Variants in TCERG1L observed in about 807,000 individuals in gnomAD.
TCERG1L encodes transcription elongation regulator 1 like.
Under a neutral mutation model 56.3 loss-of-function variants are expected in TCERG1L, and 37 were observed. The ratio of observed to expected loss-of-function variants is 0.66; its 90% CI spans 0.51 to 0.87. The LOEUF (loss-of-function observed/expected upper bound fraction) is 0.87. TCERG1L is among the 40% of genes least tolerant of loss of function. The pLI is 0.00. For missense variants in TCERG1L, 799 were observed against 774.2 expected (o/e 1.03, Z -0.38); for synonymous variants, 324 against 326.3 (o/e 0.99, Z 0.08).
At chr10:131,125,356 G>T (rs1845555122) in intron 8 of TCERG1L, among the ~76,000 whole-genome samples, 2 of 152,120 alleles carry the variant, frequency 1.3e-5, no homozygotes, top group African/African-American at 4.8e-5. Context: ...TTTACAGATG[G>T]GAAGAAACTG....
intron 6 of TCERG1L, among the ~76,000 whole-genome samples, chr10:131,149,132 G>T (rs749339756): frequency 6.6e-6 from 1 of 152,264 alleles, no homozygotes; most frequent in Non-Finnish European, 1.5e-5. Context: ...CAGATGGGGG[G>T]TGGAATGGGA....
chr10:131,201,118 C>A (rs146787825), intron 4 of TCERG1L, among the ~76,000 whole-genome samples: 2 of 152,202 alleles, frequency 1.3e-5, no homozygotes, highest in African/African-American at 4.8e-5. Flanking sequence ...ACACATGAAA[C>A]GTGGAGGGGA....
chr10:131,163,056 C>T lies in TCERG1L; in HGVS notation c.1034+66G>A, dbSNP rs1429812539. ...GAGACATGCAGTGTCTCTTTGGTGA[C>T]ATCAGGCAAATGCCAGGACCAGACA... On this transcript the variant is annotated intron_variant, in intron 6 of 11. Coordinates refer to ENST00000368642, the MANE Select transcript of TCERG1L (RefSeq NM_174937.4). 6.3e-6 allele frequency: 8 copies of T among 1,275,204 alleles called. No homozygotes were observed. In the South Asian group the frequency reaches 9.5e-5, roughly 15 times the overall value. 79.0% of individuals were successfully genotyped at this position (1,275,204 alleles called of 1,614,324 possible).
intron 4 of TCERG1L, among the ~76,000 whole-genome samples, chr10:131,210,225 G>A (rs1314358163): frequency 1.3e-5 from 2 of 152,186 alleles, no homozygotes; most frequent in African/African-American, 4.8e-5. Flanking sequence ...TTTTCCAGAT[G>A]AGGAGACTGA....
intron 8 of TCERG1L, among the ~76,000 whole-genome samples, chr10:131,124,562 C>T (rs374013603): frequency 2.6e-5 from 4 of 152,158 alleles, no homozygotes; most frequent in South Asian, 4.1e-4. Flanking sequence ...AAGTGTGCTA[C>T]GGTTTTGATA....
intron 8 of TCERG1L, among the ~76,000 whole-genome samples, chr10:131,131,793 G>A (rs150022475): frequency 6.6e-6 from 1 of 152,318 alleles, no homozygotes; most frequent in African/African-American, 2.4e-5. Flanking sequence ...CTGCTGATGA[G>A]TCACACATTG....
chr10:131,204,535 G>A (rs1453412771), intron 4 of TCERG1L, among the ~76,000 whole-genome samples: 6 of 152,214 alleles, frequency 3.9e-5, no homozygotes, highest in Admixed American at 6.5e-5. Context: ...GAAACTGTCC[G>A]TGATGGTGGG....
intron 4 of TCERG1L, among the ~76,000 whole-genome samples, chr10:131,188,226 T>TA (rs1225196653): frequency 2.0e-5 from 3 of 152,230 alleles, no homozygotes; most frequent in Non-Finnish European, 4.4e-5. Flanking sequence ...CTGATACAAT[T>TA]AGTCTCATTG....
intron 4 of TCERG1L, among the ~76,000 whole-genome samples, chr10:131,212,896 G>A (rs968786318): frequency 1.3e-5 from 2 of 152,216 alleles, no homozygotes; most frequent in African/African-American, 2.4e-5. Flanking sequence ...GGCATTACAT[G>A]GGGCTAGCAC....
intron 3 of TCERG1L, among the ~76,000 whole-genome samples, chr10:131,292,856 ATTTT>A (rs34216280): frequency 2.1e-5 from 3 of 140,860 alleles, no homozygotes; most frequent in Non-Finnish European, 4.6e-5. Context: ...TATTTCTGGG[ATTTT>A]TTTTTTTTTT....
At chr10:131,108,869 A>G (rs1845381265) in intron 9 of TCERG1L, among the ~76,000 whole-genome samples, 1 of 152,152 alleles carries the variant, frequency 6.6e-6, no homozygotes, top group Non-Finnish European at 1.5e-5. Flanking sequence ...GCCAGCTAAG[A>G]GCCAATCTTG....
At chr10:131,139,470 C>T (rs976713743) in intron 7 of TCERG1L, among the ~76,000 whole-genome samples, 6 of 152,022 alleles carry the variant, frequency 3.9e-5, no homozygotes, top group South Asian at 2.1e-4. Flanking sequence ...GAACTGGGTG[C>T]GGGAGGCAGG....
intron 4 of TCERG1L, among the ~76,000 whole-genome samples, chr10:131,257,801 T>C (rs1286460674): frequency 2.0e-5 from 3 of 152,198 alleles, no homozygotes; most frequent in African/African-American, 4.8e-5. Flanking sequence ...TTGTCTCCAG[T>C]TGGGGACCAT....
intron 11 of TCERG1L, among the ~76,000 whole-genome samples, chr10:131,094,225 C>T (rs1457362505): frequency 1.3e-5 from 2 of 152,198 alleles, no homozygotes; most frequent in African/African-American, 2.4e-5. Context: ...GGCCTGGAGC[C>T]GCTGGCCTAT....
intron 3 of TCERG1L, among the ~76,000 whole-genome samples, chr10:131,291,479 T>G (rs1350274197): frequency 7.7e-6 from 1 of 129,566 alleles, no homozygotes; most frequent in Non-Finnish European, 1.6e-5. Flanking sequence ...CAGGTTGGAG[T>G]GCAGTGGCGT....
At chr10:131,165,021 A>G (rs1048184106) in intron 5 of TCERG1L, among the ~76,000 whole-genome samples, 4 of 152,242 alleles carry the variant, frequency 2.6e-5, no homozygotes, top group Non-Finnish European at 5.9e-5. Context: ...GGAAAGTGCT[A>G]AATTACAGAG....
chr10:131,299,577 T>C (rs1846737927), intron 3 of TCERG1L, among the ~76,000 whole-genome samples: 1 of 152,136 alleles, frequency 6.6e-6, no homozygotes, highest in Non-Finnish European at 1.5e-5. Flanking sequence ...CACTATTAAG[T>C]ACAACGTTAG....
chr10:131,309,976 A>G (rs916817617), intron 1 of TCERG1L, among the ~76,000 whole-genome samples: 1 of 152,026 alleles, frequency 6.6e-6, no homozygotes, highest in African/African-American at 2.4e-5. Flanking sequence ...CTCATAAGGC[A>G]CTAATAAAAT....
intron 4 of TCERG1L, among the ~76,000 whole-genome samples, chr10:131,200,969 CTG>C (rs1006948855): frequency 2.6e-4 from 39 of 152,288 alleles, no homozygotes; most frequent in African/African-American, 9.4e-4. Context: ...CCTGCCAGTG[CTG>C]TGAGGACACA....
Sources: allele counts gnomAD v4.1 joint callset (sites outside exome capture counted in the v4.1 genomes callset), GRCh38; gene constraint gnomAD v4.1.1; transcripts MANE v1.5; gene names NCBI Gene and HGNC (gene_info 2026-07-23, HGNC 2026-07-21).